Variants in FRS2 observed in about 807,000 individuals in gnomAD.
FRS2 encodes the protein fibroblast growth factor receptor substrate 2, also known as FGFR signalling adaptor.
Under a neutral mutation model 43.9 loss-of-function variants are expected in FRS2, and 8 were observed. The ratio of observed to expected loss-of-function variants is 0.18; its 90% CI spans 0.11 to 0.33. The LOEUF (loss-of-function observed/expected upper bound fraction) is 0.33. Among genes scored for constraint, FRS2 ranks in the 10% least tolerant of loss-of-function variants. The pLI, the probability that FRS2 is intolerant of heterozygous loss-of-function variation, is 1.00. For synonymous variants in FRS2, 219 were observed against 220.3 expected, an observed-to-expected ratio of 0.99 and a Z score of 0.05; for missense variants, 534 against 627.6, an observed-to-expected ratio of 0.85 and a Z score of 1.59.
At chr12:69,494,861 C>T (rs1406825934) in intron 1 of FRS2, among the ~76,000 whole-genome samples, 2 of 152,122 alleles carry the variant, frequency 1.3e-5, no homozygotes, top group East Asian at 1.9e-4. Context: ...GCAACCTCCA[C>T]CTCCTGGGTT....
intron 1 of FRS2, among the ~76,000 whole-genome samples, chr12:69,508,738 TGATA>T (rs1286046256): frequency 6.6e-6 from 1 of 152,240 alleles, no homozygotes; most frequent in African/African-American, 2.4e-5. Context: ...TTATTTGTTC[TGATA>T]TTTGTCTTCA....
rs1302575208 is a variant in FRS2, at chr12:69,560,039, C to A, written c.-121-2141C>A. ...CCTAAGCACCAAATTTATAATCATA[C>A]TTGTGAATAGAGTTCAGTGTTCTCT... is the stretch of plus-strand genomic sequence containing the variant. On this transcript the variant is annotated intron_variant, in intron 3 of 8. Transcript: ENST00000549921. Among the ~76,000 whole-genome samples the A allele has an allele frequency of 5.9e-5, 9 of 152,260 alleles. 2 individuals carry two copies. The East Asian group carries it at 1.7e-3, about 29-fold the overall frequency.
intron 1 of FRS2, among the ~76,000 whole-genome samples, chr12:69,486,876 G>A (rs375591608): frequency 6.6e-6 from 1 of 152,200 alleles, no homozygotes; most frequent in African/African-American, 2.4e-5. Flanking sequence ...GCTGAGAGAG[G>A]TGAGGAAGCT....
chr12:69,495,606 C>G (rs894670424), intron 1 of FRS2, among the ~76,000 whole-genome samples: 1 of 152,086 alleles, frequency 6.6e-6, no homozygotes, highest in African/African-American at 2.4e-5. Flanking sequence ...TAATAAAAAT[C>G]TAAATTTTAG....
At chr12:69,502,373 A>G (rs1592947759) in intron 1 of FRS2, among the ~76,000 whole-genome samples, 1 of 152,194 alleles carries the variant, frequency 6.6e-6, no homozygotes, top group East Asian at 1.9e-4. Context: ...TATATATAAC[A>G]CAGTTTACTG....
At chr12:69,569,192 A>G in intron 5 of FRS2, 96 bp downstream of exon 5, 1 of 669,868 alleles carries the variant, frequency 1.5e-6, no homozygotes, top group African/African-American at 1.8e-5. Context: ...TTTATCACCA[A>G]ACCTTTCTAT....
intron 1 of FRS2, among the ~76,000 whole-genome samples, chr12:69,491,175 A>T (rs1297791750): frequency 6.6e-6 from 1 of 152,202 alleles, no homozygotes; most frequent in East Asian, 1.9e-4. Flanking sequence ...GGCTCATTGC[A>T]GCCTTGACCT....
intron 1 of FRS2, among the ~76,000 whole-genome samples, chr12:69,474,563 A>C (rs779446088): frequency 2.6e-5 from 4 of 152,234 alleles, no homozygotes; most frequent in Non-Finnish European, 5.9e-5. Flanking sequence ...CACGGAGTAG[A>C]AAGAATCTGA....
At chr12:69,523,914 C>T (rs1324524195) in intron 1 of FRS2, among the ~76,000 whole-genome samples, 1 of 152,230 alleles carries the variant, frequency 6.6e-6, no homozygotes, top group Non-Finnish European at 1.5e-5. Context: ...AGCCAAAGCA[C>T]TTCATAGGGT....
chr12:69,573,715 A>T (rs536228965), intron 8 of FRS2, among the ~76,000 whole-genome samples: 1 of 152,324 alleles, frequency 6.6e-6, no homozygotes, highest in East Asian at 1.9e-4. Context: ...CACCCGCTTC[A>T]GTGTCCCAGA....
chr12:69,562,028 T>G, intron 3 of FRS2, 152 bp from the exon 4 acceptor site: 1 of 380,460 alleles, frequency 2.6e-6, no homozygotes, highest in Non-Finnish European at 4.6e-6. Context: ...TTTTTAAAAT[T>G]GATGTTATAT....
At chr12:69,527,627 T>C (rs1209688431) in intron 1 of FRS2, among the ~76,000 whole-genome samples, 1 of 152,210 alleles carries the variant, frequency 6.6e-6, no homozygotes, top group East Asian at 1.9e-4. Flanking sequence ...ATCCTGAGGC[T>C]ATCTCTGATT....
At chr12:69,559,760 G>A (rs1247529512) in intron 3 of FRS2, among the ~76,000 whole-genome samples, 2 of 149,946 alleles carry the variant, frequency 1.3e-5, no homozygotes, top group African/African-American at 4.9e-5. Context: ...AAATTAATGT[G>A]TATATTAAAA....
At chr12:69,522,704 C>T (rs1875809457) in intron 1 of FRS2, among the ~76,000 whole-genome samples, 1 of 152,062 alleles carries the variant, frequency 6.6e-6, no homozygotes, top group African/African-American at 2.4e-5. Flanking sequence ...TATTTAAGGT[C>T]CTTCTGACTT....
intron 3 of FRS2, among the ~76,000 whole-genome samples, chr12:69,561,604 A>G (rs1009955206): frequency 6.6e-6 from 1 of 152,188 alleles, no homozygotes; most frequent in African/African-American, 2.4e-5. Context: ...TTATCACTGT[A>G]ATGTCACTGT....
intron 1 of FRS2, among the ~76,000 whole-genome samples, chr12:69,485,119 A>ACGCGCG (rs1565717206): frequency 4.0e-5 from 6 of 148,466 alleles, no homozygotes; most frequent in African/African-American, 1.3e-4. Context: ...ACACACACAC[A>ACGCGCG]CACACACACA....
At position 69,575,259 on chromosome 12, in the gene FRS2, A is replaced by G. The variant is rs947370481; in HGVS notation, c.*304A>G. 3 of 304,322 alleles carry G rather than the reference A, an allele frequency of 9.9e-6. No homozygotes were observed. Among genetic ancestry groups the G allele is most frequent in the Non-Finnish European group, 1.8e-5 (3 of 164,670 alleles). 18.9% of individuals were successfully genotyped at this position (304,322 alleles called of 1,614,324 possible). ...TTTATCAATATTCTGGACTTAACGCATACCTTTCATGTCTAAGTCATGGTT... is the reference window on the plus strand; with the variant it reads ...TTTATCAATATTCTGGACTTAACGCGTACCTTTCATGTCTAAGTCATGGTT... On this transcript the variant is annotated 3_prime_UTR_variant, in exon 9 of 9. Coordinates refer to ENST00000549921, the MANE Select transcript of FRS2 (RefSeq NM_001278356.2).
intron 1 of FRS2, among the ~76,000 whole-genome samples, chr12:69,505,499 A>G (rs1194255488): frequency 6.6e-6 from 1 of 152,260 alleles, no homozygotes; most frequent in African/African-American, 2.4e-5. Context: ...TGTGTTCCAC[A>G]AGTTTTGATT....
chr12:69,515,638 A>T (rs1874926238), intron 1 of FRS2, among the ~76,000 whole-genome samples: 1 of 152,132 alleles, frequency 6.6e-6, no homozygotes, highest in East Asian at 1.9e-4. Context: ...AACAAAGACA[A>T]ATACATGTGG....
Sources: gnomAD v4.1 joint callset for allele counts (sites outside exome capture counted in the v4.1 genomes callset) on GRCh38, gnomAD v4.1.1 for gene constraint, MANE v1.5 for transcripts, NCBI Gene and HGNC (gene_info 2026-07-23, HGNC 2026-07-21) for gene names.